The following SUPT3H variants were observed in gnomAD, a reference collection of about 807,000 sequenced individuals.
The protein encoded by SUPT3H is transcription initiation protein SPT3 homolog.
Under a neutral mutation model 44.3 loss-of-function variants are expected in SUPT3H, and 44 were observed. The ratio of observed to expected loss-of-function variants is 0.99; its 90% CI spans 0.78 to 1.28. The LOEUF (loss-of-function observed/expected upper bound fraction) is 1.28. Among genes scored for constraint, SUPT3H ranks in the 50% most tolerant of loss-of-function variants. The pLI, the probability that SUPT3H is intolerant of heterozygous loss-of-function variation, is 0.00. For synonymous variants in SUPT3H, 124 were observed against 125.6 expected, an observed-to-expected ratio of 0.99 and a Z score of 0.09; for missense variants, 380 against 387.1, an observed-to-expected ratio of 0.98 and a Z score of 0.15.
chr6:44,814,698 A>G (rs1766787202), intron 11 of SUPT3H, among the ~76,000 whole-genome samples: 1 of 151,472 alleles, frequency 6.6e-6, no homozygotes, highest in Non-Finnish European at 1.5e-5. Flanking sequence ...TTTTTTTTAG[A>G]CAGAGTCTCA....
chr6:45,043,089 C>T (rs1036250613), intron 3 of SUPT3H, among the ~76,000 whole-genome samples: 36 of 150,858 alleles, frequency 2.4e-4, no homozygotes, highest in Non-Finnish European at 4.3e-4. Flanking sequence ...GTTATTTGAA[C>T]TATCCCATAA....
At chr6:45,082,336 A>G (rs1252393517) in intron 3 of SUPT3H, among the ~76,000 whole-genome samples, 2 of 152,124 alleles carry the variant, frequency 1.3e-5, no homozygotes, top group Non-Finnish European at 2.9e-5. Flanking sequence ...AGACACAACA[A>G]CAACAACAAA....
At chr6:45,262,035 T>C (rs1388767457) in intron 2 of SUPT3H, among the ~76,000 whole-genome samples, 2 of 152,074 alleles carry the variant, frequency 1.3e-5, no homozygotes. Context: ...GTAAAAGATC[T>C]CTACAAGAAT....
At chr6:45,056,741 G>C (rs1791191497) in intron 3 of SUPT3H, among the ~76,000 whole-genome samples, 3 of 152,036 alleles carry the variant, frequency 2.0e-5, no homozygotes, top group African/African-American at 7.2e-5. Flanking sequence ...GTATACATTG[G>C]GGAAAGTGTA....
At chr6:45,351,328 T>C (rs1792001778) in intron 2 of SUPT3H, among the ~76,000 whole-genome samples, 1 of 152,070 alleles carries the variant, frequency 6.6e-6, no homozygotes, top group Non-Finnish European at 1.5e-5. Flanking sequence ...CTATGCATTC[T>C]ACTAAATTCA....
intron 2 of SUPT3H, among the ~76,000 whole-genome samples, chr6:45,164,577 T>C (rs570755598): frequency 3.1e-4 from 47 of 152,134 alleles, no homozygotes; most frequent in Non-Finnish European, 6.3e-4. Context: ...ACCAGTGTTT[T>C]AAGGTGGGTT....
intron 2 of SUPT3H, among the ~76,000 whole-genome samples, chr6:45,270,245 C>G (rs141102333): frequency 1.8e-4 from 27 of 152,088 alleles, no homozygotes; most frequent in African/African-American, 6.0e-4. Flanking sequence ...ACTGAGAGTC[C>G]TGGGAATTTA....
intron 3 of SUPT3H, among the ~76,000 whole-genome samples, chr6:45,029,314 A>G (rs1431691564): frequency 6.8e-6 from 1 of 147,950 alleles, no homozygotes; most frequent in African/African-American, 2.5e-5. Context: ...CATATATACT[A>G]TGTGTGTATA....
rs1780602723 is a variant in SUPT3H, at chr6:45,293,316, C to T, written c.101+71885G>A. On this transcript the variant is annotated intron_variant, in intron 2 of 10. Coordinates refer to ENST00000371459, the MANE Select transcript of SUPT3H (RefSeq NM_003599.4). ...ACAATAGTGACACAACCTATCAAAACCTCTGGGACACAGCAAAGGCAGTGC... is the reference window on the plus strand; with the variant it reads ...ACAATAGTGACACAACCTATCAAAATCTCTGGGACACAGCAAAGGCAGTGC... Among the ~76,000 whole-genome samples the T allele has an allele frequency of 2.0e-5, 3 of 152,024 alleles. No homozygotes were observed. In the South Asian group the frequency reaches 6.2e-4, roughly 32 times the overall value.
chr6:45,020,560 T>A lies in SUPT3H; in HGVS notation c.259A>T (p.Met87Leu), dbSNP rs201366656. The change falls in exon 4 of 11, where the codon ATG becomes TTG. Residue 87 changes from methionine to leucine, a missense_variant. Coordinates refer to ENST00000371459, the MANE Select transcript of SUPT3H (RefSeq NM_003599.4). Reference sequence around the variant, plus strand: ...TGTTATATTACCTTATCTTTGCGCATCAAAAACAGAAGATCTTCAGGAGTG... The same window carrying A: ...TGTTATATTACCTTATCTTTGCGCAACAAAAACAGAAGATCTTCAGGAGTG... ...VITPEDLLFL[M>L]RKDKKKLRRL... 3.1e-6 allele frequency: 5 copies of A among 1,610,998 alleles called. No homozygotes were observed. In the African/African-American group the frequency reaches 4.0e-5, roughly 13 times the overall value.
At chr6:44,885,996 A>C (rs1254361283) in intron 10 of SUPT3H, among the ~76,000 whole-genome samples, 2 of 152,260 alleles carry the variant, frequency 1.3e-5, no homozygotes, top group African/African-American at 4.8e-5. Flanking sequence ...CGATTAGATC[A>C]ACTGGAAGAA....
chr6:45,063,742 G>C, intron 3 of SUPT3H, among the ~76,000 whole-genome samples: 1 of 131,682 alleles, frequency 7.6e-6, no homozygotes, highest in Non-Finnish European at 1.6e-5. Context: ...AATGAAGCGA[G>C]AAGGGAAGGT....
At chr6:45,002,257 C>G (rs934565460) in intron 6 of SUPT3H, among the ~76,000 whole-genome samples, 3 of 151,970 alleles carry the variant, frequency 2.0e-5, no homozygotes, top group Non-Finnish European at 4.4e-5. Flanking sequence ...CCTGCTGACC[C>G]CCAGTTTTCT....
At chr6:45,150,009 G>A (rs542381411) in intron 2 of SUPT3H, among the ~76,000 whole-genome samples, 8 of 151,856 alleles carry the variant, frequency 5.3e-5, no homozygotes, top group African/African-American at 1.9e-4. Flanking sequence ...AATTGAATCT[G>A]AATATTTGAA....
intron 3 of SUPT3H, among the ~76,000 whole-genome samples, chr6:45,054,829 ACTGC>A (rs1467738507): frequency 6.6e-6 from 1 of 152,110 alleles, no homozygotes; most frequent in Non-Finnish European, 1.5e-5. Context: ...AGACTTGTAA[ACTGC>A]CTGAACTTTG....
At chr6:45,010,175 A>G (rs1783279695) in intron 5 of SUPT3H, among the ~76,000 whole-genome samples, 2 of 152,046 alleles carry the variant, frequency 1.3e-5, no homozygotes, top group South Asian at 4.1e-4. Flanking sequence ...TGATTTTTGC[A>G]TATTTCTCTT....
chr6:45,084,142 G>T (rs1430035260), intron 3 of SUPT3H, among the ~76,000 whole-genome samples: 1 of 152,108 alleles, frequency 6.6e-6, no homozygotes, highest in African/African-American at 2.4e-5. Flanking sequence ...ATTGACAAGT[G>T]AGACCTAATT....
At chr6:44,912,101 A>C (rs1369090430) in intron 10 of SUPT3H, among the ~76,000 whole-genome samples, 1 of 152,218 alleles carries the variant, frequency 6.6e-6, no homozygotes, top group Non-Finnish European at 1.5e-5. Context: ...TAAAATATAT[A>C]TAACAAAATT....
At chr6:45,301,744 G>A (rs996246829) in intron 2 of SUPT3H, among the ~76,000 whole-genome samples, 1 of 152,194 alleles carries the variant, frequency 6.6e-6, no homozygotes, top group Non-Finnish European at 1.5e-5. Flanking sequence ...TTATCGGTAT[G>A]TGGCACCTAA....
Sources: allele counts gnomAD v4.1 joint callset (sites outside exome capture counted in the v4.1 genomes callset), GRCh38; gene constraint gnomAD v4.1.1; transcripts MANE v1.5; gene names NCBI Gene and HGNC (gene_info 2026-07-23, HGNC 2026-07-21).